Variants in KYAT3 observed in about 807,000 individuals in gnomAD.
KYAT3 encodes the protein kynurenine aminotransferase 3.
Under a neutral mutation model 59.0 loss-of-function variants are expected in KYAT3, and 50 were observed. The observed-to-expected ratio is 0.85, with a 90% CI of 0.68 to 1.07. The LOEUF is 1.07. Ranked by LOEUF, KYAT3 falls within the 50% of genes least tolerant of loss-of-function variation. KYAT3 has a pLI of 0.00. For synonymous variants in KYAT3, 148 were observed against 177.0 expected, an observed-to-expected ratio of 0.84 and a Z score of 1.30; for missense variants, 497 against 533.3, an observed-to-expected ratio of 0.93 and a Z score of 0.67.
Position 88,991,869 on chromosome 1 carries a change from T to G in KYAT3, c.-2+716A>C, listed in dbSNP as rs559258742. 2.0e-5 allele frequency among the ~76,000 whole-genome samples: 3 copies of G among 152,352 alleles called. No homozygotes were observed. The South Asian group carries it at 6.2e-4, about 32-fold the overall frequency. Reference sequence around the variant, plus strand: ...ACGCGTGGGCGAAGCGAAGGAAGGATTTCTGCGCCACTCGACTCCAAAAGC... The same window carrying G: ...ACGCGTGGGCGAAGCGAAGGAAGGAGTTCTGCGCCACTCGACTCCAAAAGC... On this transcript the variant is annotated intron_variant, in intron 1 of 13. Transcript: ENST00000260508.
chr1:88,980,756 G>A (rs1411806745), intron 2 of KYAT3: 1 of 151,924 alleles, frequency 6.6e-6, no homozygotes, highest in Non-Finnish European at 1.5e-5. Flanking sequence ...AAATATTTAG[G>A]ATATCTTAAG....
chr1:88,971,965 G>A (rs1378491478), intron 2 of KYAT3, among the ~76,000 whole-genome samples: 2 of 152,174 alleles, frequency 1.3e-5, no homozygotes, highest in African/African-American at 2.4e-5. Context: ...AGATAAATAA[G>A]AGTTCAGTTT....
chr1:88,921,227 C>T, the KYAT3 span, among the ~76,000 whole-genome samples: 26 of 152,276 alleles, frequency 1.7e-4, no homozygotes, highest in African/African-American at 6.0e-4. Context: ...CTCCAGGCCT[C>T]GCTTCTACAT....
At chr1:88,971,227 C>T (rs1319007779) in intron 2 of KYAT3, among the ~76,000 whole-genome samples, 1 of 152,158 alleles carries the variant, frequency 6.6e-6, no homozygotes, top group African/African-American at 2.4e-5. Context: ...GACACAAAAT[C>T]CAACTTTAAA....
chr1:88,928,639 A>G, the KYAT3 span, among the ~76,000 whole-genome samples: 1 of 152,150 alleles, frequency 6.6e-6, no homozygotes, highest in Non-Finnish European at 1.5e-5. Context: ...TAACCAGATG[A>G]TCCAGCAGCA....
chr1:88,982,827 G>A, intron 2 of KYAT3: 1 of 1,613,962 alleles, frequency 6.2e-7, no homozygotes, highest in Non-Finnish European at 8.5e-7. Context: ...CTTGAGTAGA[G>A]ATCACTTCGG....
At chr1:88,959,695 T>C (rs909885354) in intron 8 of KYAT3, among the ~76,000 whole-genome samples, 11 of 152,176 alleles carry the variant, frequency 7.2e-5, no homozygotes, top group South Asian at 2.1e-4. Context: ...CTTATCTAAG[T>C]ACATGCTAGT....
intron 10 of KYAT3, among the ~76,000 whole-genome samples, chr1:88,950,291 T>G (rs557759153): frequency 2.2e-4 from 33 of 152,188 alleles, no homozygotes; most frequent in African/African-American, 7.7e-4. Flanking sequence ...ATCACAGAGA[T>G]TTTATGCCAA....
In KYAT3 at chr1:88,961,490, T is replaced by C. The variant is rs779342033; in HGVS notation, c.557A>G (p.Lys186Arg). Reference sequence around the variant, plus strand: ...TGTCCAGTCAGAACTAGACCATCTTTTTCCATAAACAGGTTTCTAAGCATG... The same window carrying C: ...TGTCCAGTCAGAACTAGACCATCTTCTTCCATAAACAGGTTTCTAAGCATG... The part of the protein sequence containing the change: ...IPLRSKPVYG[K>R]RWSSSDWTLD... The change falls in exon 7 of 14, where the codon AAA becomes AGA. Residue 186 changes from lysine to arginine, a missense_variant. Lys to Arg is a conservative substitution (Grantham distance 26). This residue lies in a region of KYAT3 where 469 missense variants were observed against 479.1 expected (regional missense o/e 0.98). Coordinates refer to ENST00000260508, the MANE Select transcript of KYAT3 (RefSeq NM_001008661.3). The C allele has an allele frequency of 6.2e-7, 1 of 1,611,950 alleles. No homozygotes were observed.
At chr1:88,965,543 C>G (rs1386547456) in intron 4 of KYAT3, among the ~76,000 whole-genome samples, 1 of 152,188 alleles carries the variant, frequency 6.6e-6, no homozygotes, top group Non-Finnish European at 1.5e-5. Context: ...TCCAAGGTAA[C>G]TACTTTCATA....
intron 2 of KYAT3, chr1:88,984,114 A>C (rs1197401902): frequency 2.1e-6 from 1 of 485,374 alleles, no homozygotes; most frequent in African/African-American, 1.9e-5. Flanking sequence ...TGGAAATGTA[A>C]AGCAGGGAAA....
intron 3 of KYAT3, 99 bp downstream of exon 3, chr1:88,969,310 A>G (rs1676460968): frequency 1.4e-6 from 1 of 724,362 alleles, no homozygotes; most frequent in South Asian, 1.6e-5. Flanking sequence ...GAGGACCTTT[A>G]TTTATAGACC....
At chr1:88,959,572 C>CAA (rs33949703) in intron 8 of KYAT3, among the ~76,000 whole-genome samples, 3 of 118,012 alleles carry the variant, frequency 2.5e-5, no homozygotes, top group Admixed American at 8.7e-5. Flanking sequence ...GACTCTGTCT[C>CAA]AAAAAAAAAA....
intron 11 of KYAT3, among the ~76,000 whole-genome samples, chr1:88,946,325 ATTT>A (rs11321436): frequency 2.0e-5 from 3 of 148,170 alleles, no homozygotes; most frequent in Non-Finnish European, 3.0e-5. Flanking sequence ...TGTGTAACTG[ATTT>A]TTTTTTTTTT....
At chr1:88,983,243 C>T (rs1182940171) in intron 2 of KYAT3, 13 of 1,613,320 alleles carry the variant, frequency 8.1e-6, no homozygotes, top group Admixed American at 3.3e-5. Flanking sequence ...CGGTTCCCTT[C>T]GAGGTGGACC....
chr1:88,938,417 AAGATTTGTTACAT>A (rs964920629), intron 13 of KYAT3, among the ~76,000 whole-genome samples: 8 of 151,418 alleles, frequency 5.3e-5, no homozygotes, highest in Non-Finnish European at 1.2e-4. Flanking sequence ...GGTACATGTG[AAGATTTGTTACAT>A]AGGTAGACTC....
chr1:88,982,757 G>A, intron 2 of KYAT3: 2 of 1,613,928 alleles, frequency 1.2e-6, no homozygotes, highest in Non-Finnish European at 1.7e-6. Context: ...ACGTGAAGAA[G>A]GGTACCCCCT....
chr1:88,963,042 G>A (rs570908932), intron 5 of KYAT3, among the ~76,000 whole-genome samples: 1 of 151,130 alleles, frequency 6.6e-6, no homozygotes, highest in East Asian at 1.9e-4. Flanking sequence ...GGTGCTGGCA[G>A]TAAAGCTATA....
chr1:88,941,630 G>A (rs1047506498), intron 13 of KYAT3, among the ~76,000 whole-genome samples: 3 of 151,968 alleles, frequency 2.0e-5, no homozygotes, highest in Admixed American at 6.6e-5. Context: ...CTACCTGGAC[G>A]TGCTGGGCTC....
Sources: allele counts gnomAD v4.1 joint callset (sites outside exome capture counted in the v4.1 genomes callset), GRCh38; gene constraint gnomAD v4.1.1; regional missense constraint gnomAD v4.1.1; transcripts MANE v1.5; gene names NCBI Gene and HGNC (gene_info 2026-07-23, HGNC 2026-07-21).